NCEH1: variants seen among roughly 807,000 people sequenced by gnomAD.
NCEH1 encodes neutral cholesterol ester hydrolase 1.
A neutral mutation model predicts 25.4 loss-of-function variants in NCEH1; 9 were observed. The ratio of observed to expected loss-of-function variants is 0.35; its 90% CI spans 0.21 to 0.62. The LOEUF (loss-of-function observed/expected upper bound fraction) is 0.62, where lower values mean the gene tolerates loss of function less well. Ranked by LOEUF, NCEH1 falls within the 20% of genes least tolerant of loss-of-function variation. The pLI is 0.72. For synonymous variants in NCEH1, 200 were observed against 199.8 expected, an observed-to-expected ratio of 1.00 and a Z score of -0.01; for missense variants, 412 against 501.1, an observed-to-expected ratio of 0.82 and a Z score of 1.70.
chr3:172,699,474 T>C (rs1000922450), intron 1 of NCEH1, among the ~76,000 whole-genome samples: 2 of 152,128 alleles, frequency 1.3e-5, no homozygotes, highest in African/African-American at 4.8e-5. Flanking sequence ...GAGGGATCAT[T>C]TCACAGCCTT....
At chr3:172,672,513 A>G (rs1434886823) in intron 1 of NCEH1, among the ~76,000 whole-genome samples, 1 of 151,748 alleles carries the variant, frequency 6.6e-6, no homozygotes, top group African/African-American at 2.4e-5. Context: ...CTAATAGAAC[A>G]CTCTTCCTTT....
rs752774859 is a variant in NCEH1 at position 172,633,446 on chromosome 3, G to C, written c.*29C>G. On this transcript the variant is annotated 3_prime_UTR_variant, in exon 5 of 5. Coordinates refer to ENST00000475381, the MANE Select transcript of NCEH1 (RefSeq NM_020792.6). ...AAAGCAGGTGTAGGAGGTCAAGAGG[G>C]GCTCGAGGCTTCTGGAAGTTTTGCT... The C allele has an allele frequency of 1.3e-6, 2 of 1,593,932 alleles. No homozygotes were observed. The highest frequency in any genetic ancestry group is 1.7e-6 in the Non-Finnish European group (2 of 1,169,078).
chr3:172,700,375 A>G (rs1713613969), intron 1 of NCEH1, among the ~76,000 whole-genome samples: 1 of 152,218 alleles, frequency 6.6e-6, no homozygotes, highest in Non-Finnish European at 1.5e-5. Context: ...CAAAAAAAAA[A>G]TCAGGACAAA....
At chr3:172,666,582 A>T (rs1222690270) in intron 1 of NCEH1, among the ~76,000 whole-genome samples, 1 of 151,972 alleles carries the variant, frequency 6.6e-6, no homozygotes, top group Non-Finnish European at 1.5e-5. Context: ...TGTCTGTGTC[A>T]TTTTATCTAA....
Position 172,632,672 on chromosome 3 carries a change from T to A in NCEH1, c.*803A>T, listed in dbSNP as rs1249168315. The A allele has an allele frequency of 1.3e-5, 2 of 152,488 alleles. No homozygotes were observed. The highest frequency in any genetic ancestry group is 2.9e-5 in the Non-Finnish European group (2 of 68,038). 9.4% of individuals were successfully genotyped at this position (152,488 alleles called of 1,614,324 possible). ...GGTTGTTTCATTTGTCTGTTTTTAC[T>A]TGCTCTATAATGAAAAGTTTACTCT... On this transcript the variant is annotated 3_prime_UTR_variant, in exon 5 of 5. Transcript: ENST00000475381.
chr3:172,708,258 G>A (rs188295729), intron 1 of NCEH1, among the ~76,000 whole-genome samples: 2 of 152,382 alleles, frequency 1.3e-5, no homozygotes, highest in African/African-American at 2.4e-5. Flanking sequence ...AATAGGCTGA[G>A]CTTAATCTCT....
intron 1 of NCEH1, among the ~76,000 whole-genome samples, chr3:172,667,150 G>C (rs577256499): frequency 6.6e-6 from 1 of 152,212 alleles, no homozygotes; most frequent in Non-Finnish European, 1.5e-5. Flanking sequence ...ACAGTTAGGA[G>C]TAAGATGTCT....
chr3:172,673,406 C>T (rs1409494271), intron 1 of NCEH1, among the ~76,000 whole-genome samples: 2 of 152,184 alleles, frequency 1.3e-5, no homozygotes, highest in East Asian at 3.9e-4. Context: ...GTCACTCTCC[C>T]CAAACACAAG....
rs113314533 is a variant in NCEH1 at position 172,661,898 on chromosome 3, T to C, written c.139-13784A>G. On this transcript the variant is annotated intron_variant, in intron 1 of 4. Transcript: ENST00000475381. ...CTGAGATGATGGGGTTTTCTAAATATACAATCATCTGCAAACAGGGACAAT... is the reference window on the plus strand; with the variant it reads ...CTGAGATGATGGGGTTTTCTAAATACACAATCATCTGCAAACAGGGACAAT... Among the ~76,000 whole-genome samples the C allele has an allele frequency of 2.2e-3, 331 of 152,300 alleles. 1 individual carries two copies. The highest frequency in any genetic ancestry group is 7.7e-3 in the African/African-American group (319 of 41,568).
intron 1 of NCEH1, among the ~76,000 whole-genome samples, chr3:172,700,622 T>A (rs1713627590): frequency 6.6e-6 from 1 of 152,182 alleles, no homozygotes; most frequent in Non-Finnish European, 1.5e-5. Flanking sequence ...ATCCTCAGTC[T>A]CCCCAGTAGC....
At chr3:172,681,009 A>G (rs1207976185) in intron 1 of NCEH1, 1 of 151,952 alleles carries the variant, frequency 6.6e-6, no homozygotes, top group East Asian at 1.9e-4. Context: ...AAAAAAAAAA[A>G]AAGTATGACA....
chr3:172,682,326 A>T (rs757794390), intron 1 of NCEH1, among the ~76,000 whole-genome samples: 3 of 152,194 alleles, frequency 2.0e-5, no homozygotes, highest in Non-Finnish European at 2.9e-5. Context: ...TTTACTGTAA[A>T]TCCTGCCCTG....
chr3:172,686,503 A>G (rs1350543149), intron 1 of NCEH1, among the ~76,000 whole-genome samples: 4 of 152,106 alleles, frequency 2.6e-5, no homozygotes, highest in Non-Finnish European at 4.4e-5. Context: ...CTTACGTCCA[A>G]TTGTATAGGA....
At position 172,704,734 on chromosome 3, in the gene NCEH1, T is replaced by G. The variant is rs62281171; in HGVS notation, c.138+6113A>C. On this transcript the variant is annotated intron_variant, in intron 1 of 4. Transcript: ENST00000475381. ...GAAAATTCAATTACAGGTAGGCACG[T>G]TGGCTTATGCCTGTGATCCCAGCAC... is the stretch of plus-strand genomic sequence containing the variant. 8.7e-3 allele frequency among the ~76,000 whole-genome samples: 1,333 copies of G among 152,352 alleles called. 22 individuals are homozygous for G. Among genetic ancestry groups the G allele is most frequent in the African/African-American group, 0.031 (1,280 of 41,578 alleles).
At chr3:172,654,645 G>A (rs1434069355) in intron 1 of NCEH1, among the ~76,000 whole-genome samples, 1 of 152,206 alleles carries the variant, frequency 6.6e-6, no homozygotes, top group Non-Finnish European at 1.5e-5. Flanking sequence ...GGAAGAACCA[G>A]CAGCACACTG....
intron 1 of NCEH1, among the ~76,000 whole-genome samples, chr3:172,704,455 C>T (rs1281645434): frequency 1.3e-5 from 2 of 152,206 alleles, no homozygotes; most frequent in Non-Finnish European, 2.9e-5. Context: ...CCACATTTTC[C>T]TTCCATCATT....
chr3:172,666,122 C>A (rs578231437), intron 1 of NCEH1, among the ~76,000 whole-genome samples: 2 of 152,302 alleles, frequency 1.3e-5, no homozygotes, highest in South Asian at 4.2e-4. Context: ...CAAGCCATTT[C>A]TTTTCTAACA....
intron 1 of NCEH1, among the ~76,000 whole-genome samples, chr3:172,648,375 A>T (rs1400639655): frequency 1.3e-5 from 2 of 152,140 alleles, no homozygotes; most frequent in Admixed American, 1.3e-4. Context: ...TGTTCATTTC[A>T]TTGGATAAGT....
Position 172,710,999 on chromosome 3 carries a change from G to C in NCEH1, c.-15C>G. ...GACGACCTCATCTTGCCCTGGCTCG[G>C]CTCGCCAGCGGGCTGGCAAAGAGGA... On this transcript the variant is annotated 5_prime_UTR_variant, in exon 1 of 5. Transcript: ENST00000475381. The C allele has an allele frequency of 6.2e-7, 1 of 1,613,850 alleles. No individual in the cohort carries two copies. Among genetic ancestry groups the C allele is most frequent in the African/African-American group, 1.3e-5 (1 of 75,060 alleles).
Sources: gnomAD v4.1 joint callset for allele counts (sites outside exome capture counted in the v4.1 genomes callset) on GRCh38, gnomAD v4.1.1 for gene constraint, MANE v1.5 for transcripts, NCBI Gene and HGNC (gene_info 2026-07-23, HGNC 2026-07-21) for gene names.